Variants in POLN observed in about 807,000 individuals in gnomAD.
The protein encoded by POLN is DNA polymerase N.
In POLN, 108 loss-of-function variants were observed where a neutral mutation model predicts 113.5. The ratio of observed to expected loss-of-function variants is 0.95; its 90% CI spans 0.81 to 1.12. The LOEUF (loss-of-function observed/expected upper bound fraction) is 1.12, where lower values mean the gene tolerates loss of function less well. POLN is among the 50% of genes most tolerant of loss of function. POLN has a pLI of 0.00. For missense variants in POLN, 1,097 were observed against 1,077.1 expected, an observed-to-expected ratio of 1.02 and a Z score of -0.26; for synonymous variants, 386 against 391.5, an observed-to-expected ratio of 0.99 and a Z score of 0.17.
chr4:2,152,944 C>T (rs1428384336), intron 16 of POLN, among the ~76,000 whole-genome samples: 1 of 152,230 alleles, frequency 6.6e-6, no homozygotes, highest in Non-Finnish European at 1.5e-5. Context: ...GTAATATCCT[C>T]TGTACCCAGT....
chr4:2,090,875 T>C (rs889769402), intron 20 of POLN, among the ~76,000 whole-genome samples: 3 of 152,238 alleles, frequency 2.0e-5, no homozygotes, highest in Non-Finnish European at 4.4e-5. Context: ...AGTTCAAACC[T>C]AGAATTTGGC....
intron 16 of POLN, among the ~76,000 whole-genome samples, chr4:2,152,905 A>G (rs1732329287): frequency 6.6e-6 from 1 of 152,248 alleles, no homozygotes; most frequent in South Asian, 2.1e-4. Context: ...TTGGAAGGCA[A>G]TCTAATAAAA....
intron 7 of POLN, among the ~76,000 whole-genome samples, chr4:2,190,508 T>C (rs1456091045): frequency 1.3e-5 from 2 of 151,492 alleles, no homozygotes; most frequent in Non-Finnish European, 2.9e-5. Context: ...TTCAAAAGTA[T>C]AGGCAACAAA....
At chr4:2,106,222 A>C (rs1385261507) in intron 19 of POLN, among the ~76,000 whole-genome samples, 2 of 152,240 alleles carry the variant, frequency 1.3e-5, no homozygotes, top group Non-Finnish European at 2.9e-5. Flanking sequence ...AAGAAACATC[A>C]TTCACAGATC....
chr4:2,121,434 C>CAA (rs869279379), intron 19 of POLN, among the ~76,000 whole-genome samples: 2 of 139,450 alleles, frequency 1.4e-5, no homozygotes, highest in African/African-American at 5.2e-5. Flanking sequence ...GACTCTGTCT[C>CAA]AAAAAAAAAA....
At position 2,228,517 on chromosome 4, in the gene POLN, T is replaced by C. The variant is rs139974254; in HGVS notation, c.133+582A>G. 596 of 194,970 alleles carry C rather than the reference T, an allele frequency of 3.1e-3. 6 individuals carry two copies. The highest frequency in any genetic ancestry group is 0.013 in the African/African-American group (560 of 41,776). 12.1% of individuals were successfully genotyped at this position (194,970 alleles called of 1,614,324 possible). On this transcript the variant is annotated intron_variant, in intron 3 of 25. Transcript: ENST00000511885. Reference sequence around the variant, plus strand: ...CACTCCCAGCTAATTTTTTGTATTTTTAGTAGAGACAGTGTTTTACCGTGT... The same window carrying C: ...CACTCCCAGCTAATTTTTTGTATTTCTAGTAGAGACAGTGTTTTACCGTGT...
chr4:2,080,139 G>A, intron 23 of POLN: 2 of 985,604 alleles, frequency 2.0e-6, no homozygotes, highest in Non-Finnish European at 2.4e-6. Flanking sequence ...GCTCCCAGAA[G>A]GGGCTCCGGG....
chr4:2,108,660 TCA>T (rs1389378331), intron 19 of POLN, among the ~76,000 whole-genome samples: 1 of 152,164 alleles, frequency 6.6e-6, no homozygotes, highest in African/African-American at 2.4e-5. Context: ...GGTAATTTTG[TCA>T]CAGTTATTTT....
intron 2 of POLN, among the ~76,000 whole-genome samples, chr4:2,238,152 G>A (rs908053861): frequency 6.6e-6 from 1 of 152,146 alleles, no homozygotes; most frequent in African/African-American, 2.4e-5. Flanking sequence ...ACATCCAGAT[G>A]AAGCCTGGGA....
chr4:2,128,921 G>A lies in POLN; in HGVS notation c.1867+258C>T, dbSNP rs111423930. ...AATACAAAAACTAGCCAGGCATGGT[G>A]GCACATGCCTGTAACCCCAGTTACT... On this transcript the variant is annotated intron_variant, in intron 18 of 25. Coordinates refer to ENST00000511885, the MANE Select transcript of POLN (RefSeq NM_181808.4). 6.4e-4 allele frequency among the ~76,000 whole-genome samples: 97 copies of A among 152,116 alleles called. 1 individual carries two copies. The highest frequency in any genetic ancestry group is 3.4e-3 in the Middle Eastern group (1 of 294).
rs1732993689 is a variant in POLN, at chr4:2,176,278, G to A, written c.1236C>T (p.Cys412=). The change falls in exon 9 of 26, where the codon TGC becomes TGT. Residue 412 remains cysteine (C), a synonymous_variant. Transcript: ENST00000511885. The stretch of plus-strand genomic sequence containing the variant: ...TAAAATGCCTTGCCTTCAGTTTAGA[G>A]CAAAGGTCCATTGTAAGTCTGTAGA... ...KTLYRLTMDL[C]SKLKDYGLWQ... 1 of 1,606,558 alleles carries A rather than the reference G, an allele frequency of 6.2e-7. No homozygotes were observed. Among genetic ancestry groups the A allele is most frequent in the Admixed American group, 1.7e-5 (1 of 58,690 alleles).
At chr4:2,238,439 A>G (rs2108779693) in intron 2 of POLN, among the ~76,000 whole-genome samples, 1 of 149,756 alleles carries the variant, frequency 6.7e-6, no homozygotes, top group Middle Eastern at 3.4e-3. Flanking sequence ...CAAAAAAACT[A>G]AAAATGAAAA....
intron 7 of POLN, among the ~76,000 whole-genome samples, chr4:2,192,041 G>T (rs1733462935): frequency 6.7e-6 from 1 of 149,708 alleles, no homozygotes; most frequent in Non-Finnish European, 1.5e-5. Context: ...CTTGAACCAG[G>T]GAGATAGAGG....
rs868145602 is a variant in POLN, at chr4:2,143,276, A to C, written c.1732-11986T>G. 3.3e-5 allele frequency among the ~76,000 whole-genome samples: 5 copies of C among 152,294 alleles called. No homozygotes were observed. In the Middle Eastern group the frequency reaches 0.01, roughly 311 times the overall value. On this transcript the variant is annotated intron_variant, in intron 16 of 25. Coordinates refer to ENST00000511885, the MANE Select transcript of POLN (RefSeq NM_181808.4). ...AAAATAGTAGAGAAAATCAATGAAA[A>C]GATCAATAAAATTGACAAAACTCTC...
At chr4:2,183,987 G>A (rs1733208600) in intron 7 of POLN, among the ~76,000 whole-genome samples, 1 of 151,296 alleles carries the variant, frequency 6.6e-6, no homozygotes, top group Non-Finnish European at 1.5e-5. Flanking sequence ...CTGAGTAGCT[G>A]GAACTACAGG....
chr4:2,115,228 A>ATATATATATTTT (rs72052264), intron 19 of POLN, among the ~76,000 whole-genome samples: 4 of 129,986 alleles, frequency 3.1e-5, no homozygotes, highest in African/African-American at 8.8e-5. Context: ...ATATATATAT[A>ATATATATATTTT]TTTTTTTTTT....
At chr4:2,098,346 G>A (rs189179994) in intron 19 of POLN, among the ~76,000 whole-genome samples, 1 of 152,298 alleles carries the variant, frequency 6.6e-6, no homozygotes, top group East Asian at 1.9e-4. Flanking sequence ...TTGAGCCTGG[G>A]AGGTTGAGGC....
chr4:2,193,019 A>C (rs1733489487), intron 7 of POLN, among the ~76,000 whole-genome samples, 185 bp downstream of exon 7: 1 of 152,138 alleles, frequency 6.6e-6, no homozygotes, highest in Non-Finnish European at 1.5e-5. Flanking sequence ...GTAAAAATTC[A>C]AATAACCTAG....
intron 3 of POLN, among the ~76,000 whole-genome samples, chr4:2,214,353 T>C (rs970522785): frequency 8.5e-5 from 13 of 152,106 alleles, no homozygotes; most frequent in African/African-American, 2.9e-4. Context: ...TTCAATTCAA[T>C]AGAAAAGGAT....
Sources: gnomAD v4.1 joint callset for allele counts (sites outside exome capture counted in the v4.1 genomes callset) on GRCh38, gnomAD v4.1.1 for gene constraint, MANE v1.5 for transcripts, NCBI Gene and HGNC (gene_info 2026-07-23, HGNC 2026-07-21) for gene names.